Variants in PCP2 observed in about 807,000 individuals in gnomAD.
PCP2 encodes the protein Purkinje cell protein 2.
A neutral mutation model predicts 18.3 loss-of-function variants in PCP2; 21 were observed. The observed-to-expected ratio is 1.14, with a 90% CI of 0.81 to 1.65. The LOEUF (loss-of-function observed/expected upper bound fraction) is 1.65. Among genes scored for constraint, PCP2 ranks in the 40% most tolerant of loss-of-function variants. The probability of loss-of-function intolerance (pLI) is 0.00; values close to 1 mark genes in which losing one functional copy is unlikely to be tolerated. For synonymous variants in PCP2, 85 were observed against 77.6 expected (o/e 1.10, Z -0.50); for missense variants, 202 against 201.8 (o/e 1.00, Z 0.00).
chr19:7,634,845 A>C (rs1038643035), upstream of PCP2, among the ~76,000 whole-genome samples: 4 of 152,106 alleles, frequency 2.6e-5, no homozygotes, highest in Non-Finnish European at 5.9e-5. Context: ...TTGTCACTGC[A>C]GCTCTTCACT....
upstream of PCP2, among the ~76,000 whole-genome samples, chr19:7,634,701 C>G (rs1022376929): frequency 2.0e-5 from 3 of 152,098 alleles, no homozygotes; most frequent in African/African-American, 7.2e-5. Context: ...ATTTATTGAG[C>G]CAACGTTCCA....
In PCP2 at chr19:7,631,755, AG is replaced by A. The variant is rs2031316819; in HGVS notation, c.344del (p.Pro115LeufsTer37). On this transcript the variant is annotated frameshift_variant, in exon 4 of 4. Coordinates refer to ENST00000311069, the MANE Select transcript of PCP2 (RefSeq NM_174895.3). LOFTEE classifies it high-confidence loss of function. ...GGAAGCCGAGAGCGGTCGGGTCCTG[AG>A]GGGTGAGCAGGGGTTGGGGACTGAG... ...GTLSPQPLLT[P>X]QDPTALGFRR... 7.0e-7 allele frequency: 1 copy of A among 1,428,166 alleles called. No individual in the cohort carries two copies. The highest frequency in any genetic ancestry group is 1.5e-5 in the African/African-American group (1 of 68,122). The allele number at this position is 1,428,166 out of a possible 1,614,324, so 88.5% of individuals were successfully genotyped here.
chr19:7,635,981 T>G (rs1031868852), upstream of PCP2, among the ~76,000 whole-genome samples: 1 of 152,152 alleles, frequency 6.6e-6, no homozygotes, highest in African/African-American at 2.4e-5. Flanking sequence ...GTGTGGCTGC[T>G]TCTAGAATCC....
chr19:7,635,151 C>A (rs537751332), upstream of PCP2, among the ~76,000 whole-genome samples: 10 of 152,320 alleles, frequency 6.6e-5, no homozygotes, highest in South Asian at 2.1e-3. Flanking sequence ...TCTGTCCCCC[C>A]AAGGGGTCAG....
In PCP2 at chr19:7,632,408, C is replaced by T. The variant is rs772322913; in HGVS notation, c.276G>A (p.Gln92=). 6.2e-7 allele frequency: 1 copy of T among 1,613,968 alleles called. No individual in the cohort carries two copies. The change falls in exon 3 of 4, where the codon CAG becomes CAA. Residue 92 remains glutamine (Q), a synonymous_variant. Coordinates refer to ENST00000311069, the MANE Select transcript of PCP2 (RefSeq NM_174895.3). The surrounding 1 kb of genome is among the most constrained non-coding windows in gnomAD (Gnocchi z 5.2). Reference sequence around the variant, plus strand: ...CATCACCTACCTTGGACCCCACGGGCTGGAAGCCGGGCAGGCTGCTGACTG... The same window carrying T: ...CATCACCTACCTTGGACCCCACGGGTTGGAAGCCGGGCAGGCTGCTGACTG... The part of the protein sequence containing the change: ...RVTVSSLPGF[Q]PVGSKDGAQK...
At chr19:7,635,913 C>T (rs776963773), upstream of PCP2, among the ~76,000 whole-genome samples, 1 of 152,134 alleles carries the variant, frequency 6.6e-6, no homozygotes. Flanking sequence ...GCCCCTGCTG[C>T]CCCCACCCTC....
chr19:7,632,243 C>G lies in PCP2; in HGVS notation c.291+150G>C. On this transcript the variant is annotated intron_variant, in intron 3 of 3. Transcript: ENST00000311069. The surrounding 1 kb of genome is among the most constrained non-coding windows in gnomAD (Gnocchi z 5.2). ...GTATAACCTTGGGCCCCTCTAGCCA[C>G]TGCCTGGGCCTTGGTCCTCCCATCT... is the stretch of plus-strand genomic sequence containing the variant. 8.0e-7 allele frequency: 1 copy of G among 1,252,876 alleles called. No individual in the cohort carries two copies. 77.6% of individuals were successfully genotyped at this position (1,252,876 alleles called of 1,614,324 possible).
chr19:7,633,387 T>C lies in PCP2; in HGVS notation c.51+20A>G. On this transcript the variant is annotated intron_variant, in intron 1 of 3. Transcript: ENST00000311069. ...CTGAGACCTTGAGCTGGGGGTGGGG[T>C]GGGGGCAGGGCCCTCTCACCTCGGC... The C allele has an allele frequency of 1.3e-6, 2 of 1,557,094 alleles. No individual in the cohort carries two copies. Among genetic ancestry groups the C allele is most frequent in the Non-Finnish European group, 1.7e-6 (2 of 1,147,496 alleles).
At position 7,631,627 on chromosome 19, in the gene PCP2, T is replaced by C. The variant is rs1314795641; in HGVS notation, c.*62A>G. 11 of 1,465,460 alleles carry C rather than the reference T, an allele frequency of 7.5e-6. No homozygotes were observed. In the East Asian group the frequency reaches 2.9e-4, roughly 38 times the overall value. 90.8% of individuals were successfully genotyped at this position (1,465,460 alleles called of 1,614,324 possible). A position where few individuals can be genotyped will look rare whatever the true frequency, so the allele number is the denominator to read the frequency against. On this transcript the variant is annotated 3_prime_UTR_variant, in exon 4 of 4. Coordinates refer to ENST00000311069, the MANE Select transcript of PCP2 (RefSeq NM_174895.3). ...TATACTCAGTTCCTTGTTATTCATT[T>C]AAGTGTTTTATTCTTTTATCAGTTT...
At position 7,633,551 on chromosome 19, in the gene PCP2, C is replaced by A. The variant is rs2031425509; in HGVS notation, c.-94G>T. 2.2e-5 allele frequency: 27 copies of A among 1,204,130 alleles called. No homozygotes were observed. Among genetic ancestry groups the A allele is most frequent in the Non-Finnish European group, 3.1e-5 (26 of 840,148 alleles). 74.6% of individuals were successfully genotyped at this position (1,204,130 alleles called of 1,614,324 possible). A position where few individuals can be genotyped will look rare whatever the true frequency, so the allele number is the denominator to read the frequency against. On this transcript the variant is annotated 5_prime_UTR_variant, in exon 1 of 4. An upstream open reading frame in the 5' UTR gains an earlier in-frame stop. Transcript: ENST00000311069. ...CGTCCAGGACGTGGGGGTGTGGATT[C>A]CCCCCATCCCCAAATCCCCAGCTCA... is the stretch of plus-strand genomic sequence containing the variant.
At chr19:7,636,826 C>G (rs1426448886), upstream of PCP2, 1 of 311,328 alleles carries the variant, frequency 3.2e-6, no homozygotes, top group Admixed American at 5.1e-5. Context: ...CACAGAACCT[C>G]CCGGGGAAGA....
Position 7,631,746 on chromosome 19 carries a change from C to T in PCP2, c.354G>A (p.Pro118=), listed in dbSNP as rs755527439. ...SPQPLLTPQD[P]TALGFRRNSS... ...TGTTCCGACGGAAGCCGAGAGCGGT[C>T]GGGTCCTGAGGGGTGAGCAGGGGTT... Residue 118 remains proline (P), a synonymous_variant, in exon 4 of 4, where the codon CCG becomes CCA. Coordinates refer to ENST00000311069, the MANE Select transcript of PCP2 (RefSeq NM_174895.3). 8.3e-6 allele frequency: 12 copies of T among 1,445,078 alleles called. No individual in the cohort carries two copies. Among genetic ancestry groups the T allele is most frequent in the African/African-American group, 2.9e-5 (2 of 68,798 alleles). 89.5% of individuals were successfully genotyped at this position (1,445,078 alleles called of 1,614,324 possible). A position where few individuals can be genotyped will look rare whatever the true frequency, so the allele number is the denominator to read the frequency against.
upstream of PCP2, among the ~76,000 whole-genome samples, chr19:7,635,742 A>AGAAAGGAAGGG (rs1165592610): frequency 6.6e-6 from 1 of 152,130 alleles, no homozygotes; most frequent in Non-Finnish European, 1.5e-5. Context: ...AGAAGAAGGA[A>AGAAAGGAAGGG]GAAAGGAAGG....
upstream of PCP2, among the ~76,000 whole-genome samples, chr19:7,634,951 G>A (rs539772206): frequency 6.6e-5 from 10 of 152,294 alleles, no homozygotes; most frequent in South Asian, 2.1e-3. Flanking sequence ...GAACCAGGCA[G>A]ACATATAACT....
upstream of PCP2, among the ~76,000 whole-genome samples, chr19:7,635,114 TG>T (rs2031474832): frequency 6.6e-6 from 1 of 152,182 alleles, no homozygotes; most frequent in Admixed American, 6.5e-5. Context: ...TGGGGGTTAG[TG>T]GTGGGGTGGC....
Position 7,632,558 on chromosome 19 carries a change from TG to T in PCP2, c.167-42del. The T allele has an allele frequency of 6.2e-7, 1 of 1,606,590 alleles. No individual in the cohort carries two copies. Among genetic ancestry groups the T allele is most frequent in the Non-Finnish European group, 8.5e-7 (1 of 1,177,094 alleles). ...CAGACTTGGGAGGACACAGCCGGAG[TG>T]GGGGCCCCCAACCCTACCCCTTCAC... On this transcript the variant is annotated intron_variant, in intron 2 of 3. Coordinates refer to ENST00000311069, the MANE Select transcript of PCP2 (RefSeq NM_174895.3). This position sits in a 1 kb window ranked among gnomAD's most constrained non-coding sequence, Gnocchi z 5.2.
At chr19:7,636,809 T>C, upstream of PCP2, 1 of 279,496 alleles carries the variant, frequency 3.6e-6, no homozygotes, top group Admixed American at 5.3e-5. Context: ...GCCGTGTATC[T>C]TGCAGGCACA....
At position 7,631,732 on chromosome 19, in the gene PCP2, A is replaced by C. The variant is rs1248902685; in HGVS notation, c.368T>G (p.Phe123Cys). The C allele has an allele frequency of 2.1e-6, 3 of 1,445,082 alleles. No individual in the cohort carries two copies. The highest frequency in any genetic ancestry group is 9.1e-7 in the Non-Finnish European group (1 of 1,096,710). 89.5% of individuals were successfully genotyped at this position (1,445,082 alleles called of 1,614,324 possible). A position where few individuals can be genotyped will look rare whatever the true frequency, so the allele number is the denominator to read the frequency against. Residue 123 changes from phenylalanine to cysteine, a missense_variant, in exon 4 of 4, where the codon TTC becomes TGC. By Grantham distance (205) the Phe-to-Cys change is radical (BLOSUM62 -2). Transcript: ENST00000311069. ...LTPQDPTALG[F>C]RRNSSPQPPT... Reference sequence around the variant, plus strand: ...GGGCTGGGGGCTGCTGTTCCGACGGAAGCCGAGAGCGGTCGGGTCCTGAGG... The same window carrying C: ...GGGCTGGGGGCTGCTGTTCCGACGGCAGCCGAGAGCGGTCGGGTCCTGAGG...
At chr19:7,633,293 G>A in intron 1 of PCP2, 114 bp downstream of exon 1, 1 of 1,106,616 alleles carries the variant, frequency 9.0e-7, no homozygotes, top group Non-Finnish European at 1.3e-6. Context: ...CCACAACTGG[G>A]TCAGGGGGTC....
Sources: gnomAD v4.1 joint callset for allele counts (sites outside exome capture counted in the v4.1 genomes callset) on GRCh38, gnomAD v4.1.1 for gene constraint, Gnocchi (gnomAD v3.1) non-coding constraint, MANE v1.5 for transcripts, NCBI Gene and HGNC (gene_info 2026-07-23, HGNC 2026-07-21) for gene names.